RIMS2: variants seen among roughly 807,000 people sequenced by gnomAD.
RIMS2 encodes the protein regulating synaptic membrane exocytosis protein 2.
A neutral mutation model predicts 174.4 loss-of-function variants in RIMS2; 59 were observed. The ratio of observed to expected loss-of-function variants is 0.34; its 90% CI spans 0.27 to 0.42. The LOEUF is 0.42. RIMS2 is among the 10% of genes least tolerant of loss of function. The probability of loss-of-function intolerance (pLI) is 1.00; values close to 1 mark genes in which losing one functional copy is unlikely to be tolerated. For missense variants in RIMS2, 1,620 were observed against 1,666.3 expected (o/e 0.97, Z 0.48); for synonymous variants, 606 against 572.5 (o/e 1.06, Z -0.84).
intron 19 of RIMS2, among the ~76,000 whole-genome samples, chr8:104,107,411 A>C (rs1298595411): frequency 2.0e-5 from 3 of 152,148 alleles, no homozygotes; most frequent in Non-Finnish European, 2.9e-5. Context: ...ATGGTTGATT[A>C]GTTGAGTATA....
intron 1 of RIMS2, among the ~76,000 whole-genome samples, chr8:103,506,361 A>T (rs1402207684): frequency 1.3e-5 from 2 of 152,166 alleles, no homozygotes; most frequent in African/African-American, 2.4e-5. Context: ...AGATAGTGGA[A>T]GCAAGTGTGA....
At chr8:103,613,366 ATC>A (rs34957874) in intron 1 of RIMS2, among the ~76,000 whole-genome samples, 27,644 of 152,076 alleles carry the variant, frequency 0.18, 2,749 homozygotes, top group African/African-American at 0.26. Flanking sequence ...CTGCCAGGCC[ATC>A]ACTGATGTTC....
chr8:103,919,933 GT>G (rs2077286168), intron 9 of RIMS2, among the ~76,000 whole-genome samples: 1 of 151,806 alleles, frequency 6.6e-6, no homozygotes, highest in Non-Finnish European at 1.5e-5. Context: ...ATTTTATTTA[GT>G]ACTTGTAACT....
chr8:103,763,603 T>G (rs2098135871), intron 2 of RIMS2, among the ~76,000 whole-genome samples: 1 of 151,782 alleles, frequency 6.6e-6, no homozygotes, highest in South Asian at 2.1e-4. Flanking sequence ...GAACAAATGA[T>G]CTAGTCAGAA....
At chr8:103,818,414 A>C (rs2098731595) in intron 3 of RIMS2, among the ~76,000 whole-genome samples, 1 of 152,236 alleles carries the variant, frequency 6.6e-6, no homozygotes. Flanking sequence ...ACTTGGGTAT[A>C]GAATAACCTA....
upstream of RIMS2, chr8:103,500,726 C>G (rs1819255621): frequency 7.4e-6 from 4 of 538,430 alleles, no homozygotes; most frequent in South Asian, 2.6e-5. Context: ...TCCCCTCCCC[C>G]TGCTTTTCTT....
At chr8:103,591,323 C>T (rs544757368) in intron 1 of RIMS2, among the ~76,000 whole-genome samples, 3 of 151,062 alleles carry the variant, frequency 2.0e-5, no homozygotes, top group South Asian at 4.2e-4. Flanking sequence ...TTTACTATCT[C>T]ATCTGTGTTT....
intron 1 of RIMS2, among the ~76,000 whole-genome samples, chr8:103,528,262 T>G (rs1469300846): frequency 6.6e-6 from 1 of 152,128 alleles, no homozygotes; most frequent in Non-Finnish European, 1.5e-5. Context: ...TGTAAATTTG[T>G]TTGAGTTCTT....
chr8:104,022,842 A>T (rs1249967964), intron 19 of RIMS2, among the ~76,000 whole-genome samples: 1 of 152,230 alleles, frequency 6.6e-6, no homozygotes, highest in African/African-American at 2.4e-5. Flanking sequence ...CCACTGCAAA[A>T]TATTGCTATT....
At chr8:103,529,119 T>G (rs1835636139) in intron 1 of RIMS2, among the ~76,000 whole-genome samples, 1 of 152,198 alleles carries the variant, frequency 6.6e-6, no homozygotes, top group Non-Finnish European at 1.5e-5. Flanking sequence ...TCCCTGTAAG[T>G]TGGATTCCTA....
intron 6 of RIMS2, among the ~76,000 whole-genome samples, chr8:103,914,762 T>C (rs1021681546): frequency 2.0e-5 from 3 of 152,156 alleles, no homozygotes; most frequent in African/African-American, 7.2e-5. Flanking sequence ...TATTATTTGC[T>C]TCACTTGCCA....
chr8:104,124,741 C>T (rs2098414731), intron 19 of RIMS2, among the ~76,000 whole-genome samples: 1 of 152,034 alleles, frequency 6.6e-6, no homozygotes, highest in Admixed American at 6.6e-5. Context: ...GCTTTTTGCC[C>T]AGATGCCTTG....
At chr8:103,733,171 C>G (rs1229871467) in intron 2 of RIMS2, among the ~76,000 whole-genome samples, 1 of 152,108 alleles carries the variant, frequency 6.6e-6, no homozygotes, top group Admixed American at 6.5e-5. Flanking sequence ...ACTGGGTTCT[C>G]TTCAAGGCAG....
In RIMS2 at chr8:104,188,275, ATG is replaced by A. The variant is rs1491268216; in HGVS notation, c.3335-56640_3335-56639del. Among the ~76,000 whole-genome samples the A allele has an allele frequency of 1.3e-3, 201 of 149,844 alleles. 1 individual carries two copies. The highest frequency in any genetic ancestry group is 4.7e-3 in the African/African-American group (193 of 40,736). On this transcript the variant is annotated intron_variant, in intron 19 of 23. Transcript: ENST00000504942. ...GATAGATAGATAGATAGATAGATGG[ATG>A]AAGTATAAAATCATCTAGATATAAA...
intron 14 of RIMS2, among the ~76,000 whole-genome samples, chr8:103,945,110 G>A (rs972411646): frequency 7.2e-5 from 11 of 151,924 alleles, no homozygotes; most frequent in African/African-American, 2.4e-4. Context: ...TTCAAAGATC[G>A]TGATCATATT....
chr8:103,833,126 A>G (rs957322376), intron 3 of RIMS2, among the ~76,000 whole-genome samples: 7 of 152,158 alleles, frequency 4.6e-5, no homozygotes, highest in Non-Finnish European at 7.4e-5. Context: ...ATAGAATTCT[A>G]TGTTGACACT....
chr8:103,644,332 T>G (rs1311815214), intron 1 of RIMS2, among the ~76,000 whole-genome samples: 1 of 152,116 alleles, frequency 6.6e-6, no homozygotes, highest in Non-Finnish European at 1.5e-5. Flanking sequence ...TGAGGTCACA[T>G]TAATTTCTTG....
At chr8:103,718,795 G>C (rs567500256) in intron 2 of RIMS2, among the ~76,000 whole-genome samples, 2 of 152,152 alleles carry the variant, frequency 1.3e-5, no homozygotes, top group East Asian at 3.9e-4. Context: ...AGCCTCCCAA[G>C]TGGCTGGGAT....
intron 2 of RIMS2, among the ~76,000 whole-genome samples, chr8:103,717,138 CTTTTT>C (rs11373218): frequency 9.7e-5 from 11 of 113,086 alleles, no homozygotes; most frequent in Non-Finnish European, 1.0e-4. Context: ...ATAGTGCCTT[CTTTTT>C]TTTTTTTTTT....
Sources: gnomAD v4.1 joint callset for allele counts (sites outside exome capture counted in the v4.1 genomes callset) on GRCh38, gnomAD v4.1.1 for gene constraint, MANE v1.5 for transcripts, NCBI Gene and HGNC (gene_info 2026-07-23, HGNC 2026-07-21) for gene names.